The following OFD1 variants were observed in gnomAD, a reference collection of about 807,000 sequenced individuals.
OFD1 encodes centriole and centriolar satellite protein OFD1.
OFD1 carries 12 observed loss-of-function variants against 81.4 expected under a neutral mutation model. The observed-to-expected ratio is 0.15, with a 90% CI of 0.09 to 0.24. The LOEUF is 0.24. Among genes scored for constraint, OFD1 ranks in the 10% least tolerant of loss-of-function variants. The pLI is 1.00. For synonymous variants in OFD1, 256 were observed against 263.7 expected (o/e 0.97, Z 0.28); for missense variants, 685 against 733.9 (o/e 0.93, Z 0.77).
the OFD1 span, chrX:13,719,942 C>T: frequency 8.3e-7 from 1 of 1,198,665 alleles, no homozygotes; most frequent in East Asian, 3.0e-5. Context: ...CCAACAATTA[C>T]AAAGTAGAAG....
At chrX:13,771,177 A>G (rs184421349), downstream of OFD1, 225 of 112,142 alleles carry the variant, frequency 2.0e-3, 2 homozygotes, top group African/African-American at 6.6e-3. Context: ...ATATTAGACT[A>G]CTTAAACAAA....
chrX:13,767,589 CAG>C (rs2048181238), intron 20 of OFD1, among the ~76,000 whole-genome samples: 1 of 112,281 alleles, frequency 8.9e-6, no homozygotes, highest in African/African-American at 3.2e-5. Context: ...GCTTTGAAAA[CAG>C]GGTTTAAAGA....
At chrX:13,748,924 G>C (rs1279821423) in intron 8 of OFD1, among the ~76,000 whole-genome samples, 3 of 110,076 alleles carry the variant, frequency 2.7e-5, no homozygotes, top group Non-Finnish European at 5.7e-5. Context: ...TTCGACACCA[G>C]CCTGGGCAGC....
intron 3 of OFD1, among the ~76,000 whole-genome samples, chrX:13,738,138 C>T (rs771407659): frequency 5.3e-5 from 6 of 112,372 alleles, no homozygotes; most frequent in East Asian, 2.8e-4. Context: ...CATGAGCCCT[C>T]GTGTCTGGCC....
chrX:13,717,392 G>T, the OFD1 span, among the ~76,000 whole-genome samples: 2 of 112,156 alleles, frequency 1.8e-5, no homozygotes, highest in Admixed American at 9.5e-5. Flanking sequence ...TGACCATAAT[G>T]TGAAGACGGA....
intron 21 of OFD1, 44 bp downstream of exon 21, chrX:13,768,268 C>T (rs1413139479): frequency 9.8e-7 from 1 of 1,021,094 alleles, no homozygotes; most frequent in Non-Finnish European, 1.4e-6. Flanking sequence ...GGGGGACATC[C>T]AGGGCTTCCG....
downstream of OFD1, chrX:13,773,447 C>G: frequency 8.6e-6 from 1 of 116,136 alleles, no homozygotes; most frequent in Non-Finnish European, 1.8e-5. Context: ...ATCAATTCCC[C>G]CAAAGGCCTA....
chrX:13,759,971 A>T lies in OFD1; in HGVS notation c.1655-144A>T, dbSNP rs1241639614. 5 of 678,068 alleles carry T rather than the reference A, an allele frequency of 7.4e-6. No individual in the cohort carries two copies. In the East Asian group the frequency reaches 1.7e-4, roughly 23 times the overall value. 55.9% of individuals were successfully genotyped at this position (678,068 alleles called of 1,213,427 possible). On this transcript the variant is annotated intron_variant, in intron 15 of 22. Coordinates refer to ENST00000340096, the MANE Select transcript of OFD1 (RefSeq NM_003611.3). Reference sequence around the variant, plus strand: ...AAGCTCTCAGTAAATGTTAGTGGTTATCGTTACCATGGCTTCAGAAACTGT... The same window carrying T: ...AAGCTCTCAGTAAATGTTAGTGGTTTTCGTTACCATGGCTTCAGAAACTGT...
chrX:13,736,420 C>T (rs2046867693), intron 2 of OFD1, 58 bp from the exon 3 acceptor site: 2 of 1,141,505 alleles, frequency 1.8e-6, no homozygotes, highest in Non-Finnish European at 2.4e-6. Flanking sequence ...TGAAACAGTC[C>T]TGCTGAAATT....
At chrX:13,755,805 C>A (rs11095625) in intron 12 of OFD1, among the ~76,000 whole-genome samples, 31,513 of 110,369 alleles carry the variant, frequency 0.29, 3,423 homozygotes, top group South Asian at 0.47. Context: ...TAGGTACTTA[C>A]AACATATTTT....
downstream of OFD1, chrX:13,773,294 G>T: frequency 4.8e-6 from 1 of 208,837 alleles, no homozygotes; most frequent in Non-Finnish European, 8.3e-6. Context: ...AAGCAAAAAT[G>T]AAATACGAGA....
At chrX:13,762,097 A>G (rs1406966548) in intron 17 of OFD1, among the ~76,000 whole-genome samples, 2 of 110,714 alleles carry the variant, frequency 1.8e-5, no homozygotes, top group African/African-American at 6.6e-5. Context: ...AGAGTACAAC[A>G]TTATTCTTTA....
intron 18 of OFD1, 131 bp downstream of exon 18, chrX:13,762,575 A>G: frequency 2.2e-6 from 1 of 462,112 alleles, no homozygotes; most frequent in Non-Finnish European, 3.9e-6. Flanking sequence ...TGATACAACC[A>G]CAAGTACAGA....
At chrX:13,753,534 C>A in intron 11 of OFD1, 93 bp downstream of exon 11, 1 of 812,114 alleles carries the variant, frequency 1.2e-6, no homozygotes, top group East Asian at 3.2e-5. Context: ...CTAAAAAATA[C>A]AGCTTACACT....
chrX:13,726,446 G>A, the OFD1 span, among the ~76,000 whole-genome samples: 1 of 111,851 alleles, frequency 8.9e-6, no homozygotes, highest in Non-Finnish European at 1.9e-5. Context: ...GAGAGTGGGG[G>A]CCAATATTCA....
downstream of OFD1, chrX:13,772,912 C>T (rs142632459): frequency 2.6e-5 from 31 of 1,210,122 alleles, no homozygotes; most frequent in Non-Finnish European, 3.2e-5. Context: ...TTCTTTTGAC[C>T]GAGACTGGAT....
At chrX:13,730,981 G>A (rs2046664999), upstream of OFD1, among the ~76,000 whole-genome samples, 1 of 110,897 alleles carries the variant, frequency 9.0e-6, no homozygotes, top group Non-Finnish European at 1.9e-5. Context: ...ATGAGTTAAT[G>A]GGTGCAGCAA....
Position 13,736,589 on chromosome X carries a change from A to G in OFD1, c.223A>G (p.Asn75Asp), listed in dbSNP as rs760347311. The part of the protein sequence containing the change: ...EGSSLLIGAS[N>D]SLVADHLQRC... ...GAGCTCCCTCTTAATAGGCGCCTCT[A>G]ACTCTTTAGTGGCAGATCACTTACA... The change falls in exon 3 of 23, where the codon AAC (asparagine) becomes GAC (aspartate). Residue 75 changes from asparagine (N) to aspartate (D), a missense_variant. Around this residue, in one of 3 missense-constraint regions of OFD1, gnomAD observed 414 missense variants for 447.2 expected, o/e 0.93. Transcript: ENST00000340096. 8 of 1,207,849 alleles carry G rather than the reference A, an allele frequency of 6.6e-6. No homozygotes were observed. The highest frequency in any genetic ancestry group is 9.0e-6 in the Non-Finnish European group (8 of 893,286).
chrX:13,735,460 G>C, intron 2 of OFD1, 114 bp downstream of exon 2: 2 of 568,891 alleles, frequency 3.5e-6, no homozygotes, highest in Non-Finnish European at 6.2e-6. Context: ...GATTGTATTG[G>C]TGAATTACAT....
Sources: gnomAD v4.1 joint callset for allele counts (sites outside exome capture counted in the v4.1 genomes callset) on GRCh38, gnomAD v4.1.1 for gene constraint, gnomAD v4.1.1 regional missense constraint, MANE v1.5 for transcripts, NCBI Gene and HGNC (gene_info 2026-07-23, HGNC 2026-07-21) for gene names.